CNGA4: variants seen among roughly 807,000 people sequenced by gnomAD.
The protein encoded by CNGA4 is cyclic nucleotide-gated channel alpha-4.
CNGA4 carries 32 observed loss-of-function variants against 45.6 expected under a neutral mutation model. The observed-to-expected ratio is 0.70, with a 90% CI of 0.53 to 0.94. The LOEUF (loss-of-function observed/expected upper bound fraction) is 0.94, where lower values mean the gene tolerates loss of function less well. Ranked by LOEUF, CNGA4 falls within the 40% of genes least tolerant of loss-of-function variation. The pLI, the probability that CNGA4 is intolerant of heterozygous loss-of-function variation, is 0.00. For synonymous variants in CNGA4, 293 were observed against 304.6 expected (o/e 0.96, Z 0.40); for missense variants, 726 against 755.1 (o/e 0.96, Z 0.45).
rs376486440 is a variant in CNGA4, at chr11:6,240,432, G to T, written c.638G>T (p.Arg213Leu). Residue 213 changes from arginine to leucine, a missense_variant, in exon 4 of 6, where the codon CGC (arginine) becomes CTC (leucine). Transcript: ENST00000379936. This position sits in a 1 kb window ranked among gnomAD's most constrained non-coding sequence, Gnocchi z 4.9. Reference protein sequence around the residue: ...YPDPAQPGFERLRRQYLYSFY... With the variant: ...YPDPAQPGFELLRRQYLYSFY... ...GACCCCGCGCAGCCTGGCTTTGAGC[G>T]CCTGCGGCGCCAGTACCTCTATAGC... The T allele has an allele frequency of 6.2e-7, 1 of 1,614,238 alleles. No homozygotes were observed. The highest frequency in any genetic ancestry group is 1.7e-5 in the Admixed American group (1 of 60,038).
At chr11:6,241,008 G>A (rs1403709060) in intron 4 of CNGA4, among the ~76,000 whole-genome samples, 1 of 152,216 alleles carries the variant, frequency 6.6e-6, no homozygotes, top group Non-Finnish European at 1.5e-5. Context: ...GAAGGCTCTG[G>A]AAGGAGTGGG....
Position 6,241,452 on chromosome 11 carries a change from CAAG to C in CNGA4, c.944_946del (p.Lys315del), listed in dbSNP as rs756430347. On this transcript the variant is annotated inframe_deletion, in exon 5 of 6. Coordinates refer to ENST00000379936, the MANE Select transcript of CNGA4 (RefSeq NM_001037329.4). Reference sequence around the variant, plus strand: ...TCAGGTATCAGCACCTGCAGATCAACAAGAAGATGACCAACGAGGTAGCCATCT... The same window carrying C: ...TCAGGTATCAGCACCTGCAGATCAACAAGATGACCAACGAGGTAGCCATCT... 2 of 1,588,546 alleles carry C rather than the reference CAAG, an allele frequency of 1.3e-6. No homozygotes were observed. Among genetic ancestry groups the C allele is most frequent in the South Asian group, 2.3e-5 (2 of 87,278 alleles).
chr11:6,244,852 T>A (rs1847971212), downstream of CNGA4, among the ~76,000 whole-genome samples: 1 of 152,234 alleles, frequency 6.6e-6, no homozygotes, highest in Non-Finnish European at 1.5e-5. The surrounding 1 kb of genome is among the most constrained non-coding windows in gnomAD (Gnocchi z 4.5). Flanking sequence ...CACACACTTG[T>A]GAAAACACAA....
Position 6,240,445 on chromosome 11 carries a change from G to C in CNGA4, c.651G>C (p.Gln217His). ...AQPGFERLRRQYLYSFYFSTL... is the reference protein window; with the variant it reads ...AQPGFERLRRHYLYSFYFSTL... ...CTGGCTTTGAGCGCCTGCGGCGCCA[G>C]TACCTCTATAGCTTTTACTTCTCCA... The change falls in exon 4 of 6, where the codon CAG becomes CAC. Residue 217 changes from glutamine to histidine, a missense_variant. Gln to His is a conservative substitution (Grantham distance 24). Coordinates refer to ENST00000379936, the MANE Select transcript of CNGA4 (RefSeq NM_001037329.4). This position sits in a 1 kb window ranked among gnomAD's most constrained non-coding sequence, Gnocchi z 4.9. 1.2e-6 allele frequency: 2 copies of C among 1,614,246 alleles called. No homozygotes were observed. The highest frequency in any genetic ancestry group is 2.2e-5 in the East Asian group (1 of 44,880).
At chr11:6,241,938 C>T (rs1038388627) in intron 5 of CNGA4, 158 bp downstream of exon 5, 1 of 646,694 alleles carries the variant, frequency 1.5e-6, no homozygotes, top group Non-Finnish European at 2.7e-6. Context: ...AGAAAAACAA[C>T]ACATAGAGGA....
rs1169007624 is a variant in CNGA4 at position 6,241,800 on chromosome 11, T to C, written c.1267+20T>C. The stretch of plus-strand genomic sequence containing the variant: ...TCAAAGGTGGGTATCCCAGTATTTG[T>C]TCCAGGGACAAGGATGGGTGGGGTA... On this transcript the variant is annotated intron_variant, in intron 5 of 5. Transcript: ENST00000379936. 4 of 1,609,464 alleles carry C rather than the reference T, an allele frequency of 2.5e-6. No individual in the cohort carries two copies. The highest frequency in any genetic ancestry group is 1.3e-5 in the African/African-American group (1 of 74,772).
At chr11:6,236,663 T>A (rs934755199), upstream of CNGA4, among the ~76,000 whole-genome samples, 3 of 152,248 alleles carry the variant, frequency 2.0e-5, no homozygotes, top group African/African-American at 7.2e-5. Context: ...GGTGATGTTC[T>A]GTTTCTTGAT....
At chr11:6,236,437 A>G (rs1164970048), upstream of CNGA4, among the ~76,000 whole-genome samples, 1 of 152,270 alleles carries the variant, frequency 6.6e-6, no homozygotes, top group African/African-American at 2.4e-5. Context: ...GCAAAAATGC[A>G]GAGAAGTGGA....
rs549759968 is a variant in CNGA4, at chr11:6,244,074, G to C, written c.1393G>C (p.Glu465Gln). The change falls in exon 6 of 6, where the codon GAG becomes CAG. Residue 465 changes from glutamate to glutamine, a missense_variant. Coordinates refer to ENST00000379936, the MANE Select transcript of CNGA4 (RefSeq NM_001037329.4). The surrounding 1 kb of genome is among the most constrained non-coding windows in gnomAD (Gnocchi z 4.5). ...SEYPQAQTIMEEKGREILLKM... is the reference protein window; with the variant it reads ...SEYPQAQTIMQEKGREILLKM... ...GTATCCACAAGCACAGACCATCATG[G>C]AGGAGAAAGGACGTGAGATCCTGCT... 3.1e-6 allele frequency: 5 copies of C among 1,614,210 alleles called. No homozygotes were observed. The South Asian group carries it at 5.5e-5, about 18-fold the overall frequency.
chr11:6,240,276 C>T lies in CNGA4; in HGVS notation c.482C>T (p.Thr161Ile). The change falls in exon 4 of 6, where the codon ACA (threonine) becomes ATA (isoleucine). Residue 161 changes from threonine (T) to isoleucine (I), a missense_variant. By Grantham distance (89) the Thr-to-Ile change is moderately conservative. Transcript: ENST00000379936. The surrounding 1 kb of genome is among the most constrained non-coding windows in gnomAD (Gnocchi z 4.9). ...FEAFDRTETR[T>I]AYPNAFRIAK... ...GCCTTCGACCGCACAGAGACCCGCA[C>T]AGCTTACCCAAATGCCTTTCGCATT... 3.1e-6 allele frequency: 5 copies of T among 1,614,228 alleles called. No homozygotes were observed. The South Asian group carries it at 3.3e-5, about 11-fold the overall frequency.
rs1847963453 is a variant in CNGA4, at chr11:6,244,371, G to A, written c.1690G>A (p.Gly564Ser). 2.5e-6 allele frequency: 4 copies of A among 1,613,678 alleles called. No individual in the cohort carries two copies. In the South Asian group the frequency reaches 4.4e-5, roughly 18 times the overall value. The change falls in exon 6 of 6, where the codon GGC becomes AGC. Residue 564 changes from glycine (G) to serine (S), a missense_variant. Coordinates refer to ENST00000379936, the MANE Select transcript of CNGA4 (RefSeq NM_001037329.4). The surrounding 1 kb of genome is among the most constrained non-coding windows in gnomAD (Gnocchi z 4.5). ...GGAGGGAACTTCCAAAGATGAAGAG[G>A]GCAGGGCCAGCCAGGAGGGACCCCC... ...PEEGTSKDEEGRASQEGPPGP... is the reference protein window; with the variant it reads ...PEEGTSKDEESRASQEGPPGP...
upstream of CNGA4, among the ~76,000 whole-genome samples, chr11:6,237,584 T>C (rs1249204921): frequency 6.6e-6 from 1 of 150,970 alleles, no homozygotes; most frequent in Non-Finnish European, 1.5e-5. Flanking sequence ...ATAGAAGGAA[T>C]AGACAGAGGA....
rs1847895504 is a variant in CNGA4, at chr11:6,240,267, A to G, written c.473A>G (p.Glu158Gly). The change falls in exon 4 of 6, where the codon GAG becomes GGG. Residue 158 changes from glutamate to glycine, a missense_variant. Coordinates refer to ENST00000379936, the MANE Select transcript of CNGA4 (RefSeq NM_001037329.4). This position sits in a 1 kb window ranked among gnomAD's most constrained non-coding sequence, Gnocchi z 4.9. ...CTCTTCGAGGCCTTCGACCGCACAGAGACCCGCACAGCTTACCCAAATGCC... is the reference window on the plus strand; with the variant it reads ...CTCTTCGAGGCCTTCGACCGCACAGGGACCCGCACAGCTTACCCAAATGCC... ...PRLFEAFDRT[E>G]TRTAYPNAFR... 1.9e-6 allele frequency: 3 copies of G among 1,614,094 alleles called. No homozygotes were observed. The highest frequency in any genetic ancestry group is 2.5e-6 in the Non-Finnish European group (3 of 1,180,032).
intron 1 of CNGA4, 30 bp downstream of exon 1, chr11:6,239,298 C>G: frequency 6.2e-7 from 1 of 1,612,970 alleles, no homozygotes. Flanking sequence ...TGTGTGGGAT[C>G]TCTCCTCATT....
upstream of CNGA4, among the ~76,000 whole-genome samples, chr11:6,237,310 G>C (rs1847850849): frequency 6.6e-6 from 1 of 152,296 alleles, no homozygotes; most frequent in East Asian, 1.9e-4. Flanking sequence ...AAAGGGCATA[G>C]ATAGGAATTC....
rs774440361 is a variant in CNGA4, at chr11:6,239,239, G to C, written c.33G>C (p.Glu11Asp). MSQDTKVKTT[E>D]SSPPAPSKAR... ...AGGACACCAAAGTGAAGACAACAGA[G>C]TCCAGTCCCCCAGCCCCATCCAAGG... Residue 11 changes from glutamate to aspartate, a missense_variant, in exon 1 of 6, where the codon GAG (glutamate) becomes GAC (aspartate). Glu to Asp is a conservative substitution (Grantham distance 45). Coordinates refer to ENST00000379936, the MANE Select transcript of CNGA4 (RefSeq NM_001037329.4). The C allele has an allele frequency of 1.9e-6, 3 of 1,614,078 alleles. No homozygotes were observed. The highest frequency in any genetic ancestry group is 2.5e-6 in the Non-Finnish European group (3 of 1,180,014).
chr11:6,242,443 T>C (rs1372790876), intron 5 of CNGA4, among the ~76,000 whole-genome samples: 1 of 151,990 alleles, frequency 6.6e-6, no homozygotes, highest in Non-Finnish European at 1.5e-5. Flanking sequence ...TAATCACAGG[T>C]ATTAGGCATG....
In CNGA4 at chr11:6,241,904, C is replaced by T. The variant is rs1266907814; in HGVS notation, c.1267+124C>T. ...TTCTGATTGAGGAAACCTGGCCCTT[C>T]TCTGAGTCACTAGATGGCTCAGGAG... is the stretch of plus-strand genomic sequence containing the variant. On this transcript the variant is annotated intron_variant, in intron 5 of 5. Transcript: ENST00000379936. The T allele has an allele frequency of 1.5e-5, 12 of 793,834 alleles. 1 individual carries two copies. Among genetic ancestry groups the T allele is most frequent in the Admixed American group, 2.5e-5 (1 of 40,638 alleles). The allele number at this position is 793,834 out of a possible 1,614,324, so 49.2% of individuals were successfully genotyped here.
chr11:6,241,362 C>A, intron 4 of CNGA4, 69 bp from the exon 5 acceptor site: 1 of 1,267,084 alleles, frequency 7.9e-7, no homozygotes, highest in Non-Finnish European at 1.1e-6. Flanking sequence ...CTGAGCTGAG[C>A]CCTGAAGGAA....
Sources: allele counts gnomAD v4.1 joint callset (sites outside exome capture counted in the v4.1 genomes callset), GRCh38; gene constraint gnomAD v4.1.1; non-coding constraint Gnocchi (gnomAD v3.1); transcripts MANE v1.5; gene names NCBI Gene and HGNC (gene_info 2026-07-23, HGNC 2026-07-21).